Variants in SPON2 observed in about 807,000 individuals in gnomAD.
The protein encoded by SPON2 is spondin-2.
A neutral mutation model predicts 29.9 loss-of-function variants in SPON2; 32 were observed. The observed-to-expected ratio is 1.07, with a 90% CI of 0.81 to 1.44. SPON2 has a LOEUF of 1.44. Among genes scored for constraint, SPON2 ranks in the 40% most tolerant of loss-of-function variants. The pLI is 0.00. For synonymous variants in SPON2, 248 were observed against 209.1 expected, an observed-to-expected ratio of 1.19 and a Z score of -1.61; for missense variants, 541 against 455.5, an observed-to-expected ratio of 1.19 and a Z score of -1.71.
chr4:1,185,664 C>T (rs964666152), intron 1 of SPON2, among the ~76,000 whole-genome samples: 9 of 133,484 alleles, frequency 6.7e-5, no homozygotes, highest in East Asian at 5.2e-4. Context: ...GCTGAGATCG[C>T]GTCACTGCAC....
Position 1,172,009 on chromosome 4 carries a change from A to G in SPON2, c.63T>C (p.Thr21=), listed in dbSNP as rs767886528. ...GKALCALLLA[T]LGAAGQPLGG... ...CAAGAGGCTGGCCGGCGGCGCCGAG[A>G]GTGGCCAGGAGGAGAGCGCAGAGGG... Residue 21 remains threonine (T), a synonymous_variant, in exon 2 of 6, where the codon ACT becomes ACC. Transcript: ENST00000290902. 1 of 1,612,614 alleles carries G rather than the reference A, an allele frequency of 6.2e-7. No individual in the cohort carries two copies. Among genetic ancestry groups the G allele is most frequent in the Non-Finnish European group, 8.5e-7 (1 of 1,179,828 alleles).
chr4:1,181,072 C>G (rs978202328), intron 1 of SPON2, among the ~76,000 whole-genome samples: 1 of 152,074 alleles, frequency 6.6e-6, no homozygotes, highest in African/African-American at 2.4e-5. Flanking sequence ...AAGAGATAGC[C>G]GCACTGACAC....
At chr4:1,186,662 T>C (rs1296978778) in intron 1 of SPON2, among the ~76,000 whole-genome samples, 1 of 152,142 alleles carries the variant, frequency 6.6e-6, no homozygotes, top group Non-Finnish European at 1.5e-5. Context: ...CCAGAATATA[T>C]AGAGAACTCC....
intron 1 of SPON2, among the ~76,000 whole-genome samples, chr4:1,179,958 G>A (rs1727675653): frequency 6.6e-6 from 1 of 151,884 alleles, no homozygotes; most frequent in South Asian, 2.1e-4. Context: ...GCTAACAGTT[G>A]GGCAAGAAAT....
intron 5 of SPON2, 108 bp downstream of exon 5, chr4:1,170,294 A>T: frequency 9.2e-7 from 1 of 1,081,612 alleles, no homozygotes; most frequent in Non-Finnish European, 1.4e-6. Context: ...AGTACGCACT[A>T]CGAATCCCTA....
upstream of SPON2, among the ~76,000 whole-genome samples, chr4:1,175,664 G>A (rs1055847763): frequency 1.3e-5 from 2 of 151,802 alleles, no homozygotes; most frequent in African/African-American, 2.4e-5. Flanking sequence ...CCCAGGCCTC[G>A]GGGGCTTCAG....
At chr4:1,200,768 GC>G (rs751492841) in intron 1 of SPON2, 2 of 455,430 alleles carry the variant, frequency 4.4e-6, no homozygotes, top group Admixed American at 2.4e-5. Flanking sequence ...GGTGGGTGCA[GC>G]CCCCCACCCC....
At chr4:1,184,758 C>T (rs1318809508) in intron 1 of SPON2, among the ~76,000 whole-genome samples, 2 of 151,960 alleles carry the variant, frequency 1.3e-5, no homozygotes, top group Admixed American at 6.6e-5. Flanking sequence ...CATAGTGAAA[C>T]CCGTCTCTAC....
chr4:1,170,627 T>TG, intron 4 of SPON2, 51 bp from the exon 5 acceptor site: 1 of 1,559,944 alleles, frequency 6.4e-7, no homozygotes, highest in East Asian at 2.4e-5. Context: ...GCCCACCTTC[T>TG]GGTATGCGTA....
At chr4:1,205,941 C>T (rs537264491) in intron 1 of SPON2, among the ~76,000 whole-genome samples, 148 of 152,286 alleles carry the variant, frequency 9.7e-4, no homozygotes, top group Non-Finnish European at 1.7e-3. Flanking sequence ...GCCCGATGCC[C>T]ACCCCTAGCT....
At chr4:1,185,491 T>C (rs1199586186) in intron 1 of SPON2, among the ~76,000 whole-genome samples, 1 of 150,930 alleles carries the variant, frequency 6.6e-6, no homozygotes, top group Admixed American at 6.6e-5. Context: ...GCGGATCACC[T>C]GAGGTCGGGA....
At chr4:1,206,046 G>A (rs1210371278) in intron 1 of SPON2, among the ~76,000 whole-genome samples, 2 of 152,104 alleles carry the variant, frequency 1.3e-5, no homozygotes, top group African/African-American at 4.8e-5. Context: ...AGGAGGCCAC[G>A]CCCAGCATTG....
chr4:1,185,992 C>T (rs941124666), intron 1 of SPON2, among the ~76,000 whole-genome samples: 16 of 151,634 alleles, frequency 1.1e-4, no homozygotes, highest in African/African-American at 1.7e-4. Context: ...CGCCTGTAAT[C>T]CCAGCACTTT....
chr4:1,206,351 A>G (rs757994194), intron 1 of SPON2, among the ~76,000 whole-genome samples: 1 of 152,204 alleles, frequency 6.6e-6, no homozygotes, highest in Non-Finnish European at 1.5e-5. Flanking sequence ...GCCTAGGCCG[A>G]GCTGAAGGGG....
upstream of SPON2, among the ~76,000 whole-genome samples, chr4:1,174,503 CA>C (rs1342876561): frequency 8.0e-6 from 1 of 124,714 alleles, no homozygotes; most frequent in African/African-American, 3.3e-5. Context: ...AAAAAAAAAA[CA>C]AAAAAACAAA....
intron 1 of SPON2, among the ~76,000 whole-genome samples, chr4:1,190,772 A>G (rs1727896499): frequency 1.3e-5 from 2 of 152,252 alleles, no homozygotes; most frequent in African/African-American, 4.8e-5. Flanking sequence ...GGCTGAAAAT[A>G]CAGACCAATA....
At chr4:1,196,647 G>A (rs1325378919), upstream of SPON2, among the ~76,000 whole-genome samples, 1 of 152,226 alleles carries the variant, frequency 6.6e-6, no homozygotes, top group Non-Finnish European at 1.5e-5. Context: ...CAGCCAGCAT[G>A]GAGGGAAGAT....
chr4:1,204,121 C>G (rs888073241), intron 1 of SPON2, among the ~76,000 whole-genome samples: 1 of 152,262 alleles, frequency 6.6e-6, no homozygotes, highest in Non-Finnish European at 1.5e-5. Context: ...GTCCCCCCAG[C>G]TTGGCCTCCC....
At chr4:1,167,763 C>A in intron 5 of SPON2, 107 bp from the exon 6 acceptor site, 1 of 1,283,210 alleles carries the variant, frequency 7.8e-7, no homozygotes. Flanking sequence ...AGGCCACGCC[C>A]ACCCTTCGGG....
Sources: gnomAD v4.1 joint callset for allele counts (sites outside exome capture counted in the v4.1 genomes callset) on GRCh38, gnomAD v4.1.1 for gene constraint, MANE v1.5 for transcripts, NCBI Gene and HGNC (gene_info 2026-07-23, HGNC 2026-07-21) for gene names.